TXNDC16: variants seen among roughly 807,000 people sequenced by gnomAD.
The protein encoded by TXNDC16 is thioredoxin domain-containing protein 16.
Under a neutral mutation model 85.6 loss-of-function variants are expected in TXNDC16, and 74 were observed. That is an observed-to-expected ratio of 0.86 (90% CI 0.72 to 1.05). TXNDC16 has a LOEUF of 1.05. Ranked by LOEUF, TXNDC16 falls within the 50% of genes least tolerant of loss-of-function variation. The probability of loss-of-function intolerance (pLI) is 0.00; values close to 1 mark genes in which losing one functional copy is unlikely to be tolerated. For missense variants in TXNDC16, 959 were observed against 947.0 expected (o/e 1.01, Z -0.17); for synonymous variants, 335 against 326.5 (o/e 1.03, Z -0.28).
intron 16 of TXNDC16, chr14:52,462,798 C>A: frequency 2.6e-6 from 1 of 380,484 alleles, no homozygotes. Flanking sequence ...TGTTCTACTG[C>A]AACTTTAAAT....
intron 20 of TXNDC16, among the ~76,000 whole-genome samples, chr14:52,437,629 C>A (rs982448298): frequency 6.6e-6 from 1 of 151,896 alleles, no homozygotes. Context: ...AAAAGATAAC[C>A]CACAGAATGG....
At chr14:52,530,255 T>A (rs1224406767) in intron 6 of TXNDC16, among the ~76,000 whole-genome samples, 4 of 51,160 alleles carry the variant, frequency 7.8e-5, no homozygotes, top group Non-Finnish European at 1.2e-4. Flanking sequence ...ATAATATATA[T>A]TATATAATAT....
intron 17 of TXNDC16, among the ~76,000 whole-genome samples, chr14:52,455,951 G>T (rs1384283210): frequency 1.3e-5 from 2 of 152,130 alleles, no homozygotes; most frequent in African/African-American, 2.4e-5. Context: ...AGTGATAAAT[G>T]GCAGACACAG....
intron 18 of TXNDC16, among the ~76,000 whole-genome samples, chr14:52,451,102 G>A (rs2035400817): frequency 1.3e-5 from 2 of 151,732 alleles, no homozygotes; most frequent in Non-Finnish European, 2.9e-5. Flanking sequence ...GAAATAATGG[G>A]CATTGGGGGC....
chr14:52,538,205 G>A (rs1237576438), intron 4 of TXNDC16, among the ~76,000 whole-genome samples: 4 of 152,204 alleles, frequency 2.6e-5, no homozygotes, highest in African/African-American at 9.7e-5. Flanking sequence ...AAAGTGGGCT[G>A]ACTGATACTT....
intron 1 of TXNDC16, among the ~76,000 whole-genome samples, chr14:52,545,074 T>C (rs2037914859): frequency 6.6e-6 from 1 of 152,198 alleles, no homozygotes; most frequent in Non-Finnish European, 1.5e-5. Context: ...CATTCATTAC[T>C]ATATATGAAA....
chr14:52,530,396 TA>T (rs2037503058), intron 6 of TXNDC16, among the ~76,000 whole-genome samples: 2 of 21,402 alleles, frequency 9.3e-5, no homozygotes, highest in Non-Finnish European at 6.5e-5. Context: ...AATATTATAA[TA>T]TAATATATAA....
chr14:52,450,744 C>T (rs1043155977), intron 18 of TXNDC16, among the ~76,000 whole-genome samples: 2 of 151,884 alleles, frequency 1.3e-5, no homozygotes, highest in African/African-American at 4.8e-5. Context: ...TTTGATCAAG[C>T]AATCTCACTA....
rs764705182 is a variant in TXNDC16 at position 52,470,632 on chromosome 14, T to C, written c.1361A>G (p.Asp454Gly). 3 of 1,613,826 alleles carry C rather than the reference T, an allele frequency of 1.9e-6. No homozygotes were observed. The East Asian group carries it at 6.7e-5, about 36-fold the overall frequency. The change falls in exon 15 of 21, where the codon GAT becomes GGT. Residue 454 changes from aspartate (D) to glycine (G), a missense_variant. Coordinates refer to ENST00000281741, the MANE Select transcript of TXNDC16 (RefSeq NM_020784.3). The part of the protein sequence containing the change: ...LTRINCADWS[D>G]VCTKQNVTEF... ...AGTAACATTTTGCTTAGTACATACA[T>C]CAGACCAATCTGCACAGTTTATTCT...
At chr14:52,459,396 A>T (rs2035604826) in intron 16 of TXNDC16, among the ~76,000 whole-genome samples, 1 of 152,156 alleles carries the variant, frequency 6.6e-6, no homozygotes, top group Non-Finnish European at 1.5e-5. Context: ...CCCTGAACAG[A>T]CCAGTAACAA....
intron 14 of TXNDC16, among the ~76,000 whole-genome samples, chr14:52,477,730 G>C (rs1272486352): frequency 6.6e-6 from 1 of 152,118 alleles, no homozygotes; most frequent in Non-Finnish European, 1.5e-5. Flanking sequence ...ATAATAGTGG[G>C]AGACTTCAAT....
chr14:52,473,868 A>T (rs1234760738), intron 14 of TXNDC16, among the ~76,000 whole-genome samples: 1 of 150,208 alleles, frequency 6.7e-6, no homozygotes, highest in African/African-American at 2.5e-5. Context: ...TGTCAGAAAG[A>T]CAGATGATAG....
intron 12 of TXNDC16, among the ~76,000 whole-genome samples, chr14:52,486,321 T>C (rs2036270309): frequency 6.7e-6 from 1 of 149,654 alleles, no homozygotes; most frequent in Admixed American, 6.7e-5. Context: ...TCTCACTCTG[T>C]TGCCCAGGTA....
Position 52,539,019 on chromosome 14 carries a change from T to C in TXNDC16, c.244-1347A>G, listed in dbSNP as rs142417721. On this transcript the variant is annotated intron_variant, in intron 4 of 20. Coordinates refer to ENST00000281741, the MANE Select transcript of TXNDC16 (RefSeq NM_020784.3). ...GGTATTATGACAATAGATGTGTCCA[T>C]TCATTCATCAATTCAAAATATATTT... Among the ~76,000 whole-genome samples, 250 of 152,356 alleles carry C rather than the reference T, an allele frequency of 1.6e-3. 1 individual carries two copies. The highest frequency in any genetic ancestry group is 2.1e-3 in the Non-Finnish European group (142 of 68,034).
chr14:52,499,951 TTTA>T (rs1180088981), intron 9 of TXNDC16, among the ~76,000 whole-genome samples: 2 of 152,200 alleles, frequency 1.3e-5, no homozygotes, highest in East Asian at 1.9e-4. Flanking sequence ...TTGTATTATT[TTTA>T]TTGTTATATT....
At chr14:52,455,525 C>A in intron 17 of TXNDC16, 63 bp from the exon 18 acceptor site, 1 of 1,595,202 alleles carries the variant, frequency 6.3e-7, no homozygotes. Context: ...ACATGAAAAT[C>A]TAGGCTAGGA....
chr14:52,533,817 G>A (rs1407911946), intron 6 of TXNDC16, among the ~76,000 whole-genome samples: 1 of 152,146 alleles, frequency 6.6e-6, no homozygotes, highest in Non-Finnish European at 1.5e-5. Context: ...AAGGGGTGTG[G>A]GGTAAGAGCG....
chr14:52,448,414 T>C (rs537816889), intron 18 of TXNDC16, among the ~76,000 whole-genome samples: 1 of 152,108 alleles, frequency 6.6e-6, no homozygotes, highest in African/African-American at 2.4e-5. Context: ...AAAAACTTTT[T>C]ACCCTAGAAT....
intron 14 of TXNDC16, among the ~76,000 whole-genome samples, chr14:52,479,679 A>C (rs1205927238): frequency 6.6e-6 from 1 of 152,194 alleles, no homozygotes; most frequent in Non-Finnish European, 1.5e-5. Flanking sequence ...GGATGACACA[A>C]ACAAATGGAA....
Sources: allele counts gnomAD v4.1 joint callset (sites outside exome capture counted in the v4.1 genomes callset), GRCh38; gene constraint gnomAD v4.1.1; transcripts MANE v1.5; gene names NCBI Gene and HGNC (gene_info 2026-07-23, HGNC 2026-07-21).